Variants in AGBL4 observed in about 807,000 individuals in gnomAD.
The protein encoded by AGBL4 is AGBL carboxypeptidase 4.
A neutral mutation model predicts 66.4 loss-of-function variants in AGBL4; 58 were observed. That is an observed-to-expected ratio of 0.87 (90% CI 0.71 to 1.09). The LOEUF (loss-of-function observed/expected upper bound fraction) is 1.09. Among genes scored for constraint, AGBL4 ranks in the 50% least tolerant of loss-of-function variants. The pLI is 0.00. For synonymous variants in AGBL4, 234 were observed against 222.9 expected (o/e 1.05, Z -0.44); for missense variants, 579 against 631.0 (o/e 0.92, Z 0.88).
At chr1:49,925,767 T>C (rs1333633416) in intron 1 of AGBL4, among the ~76,000 whole-genome samples, 1 of 152,138 alleles carries the variant, frequency 6.6e-6, no homozygotes, top group African/African-American at 2.4e-5. Context: ...GTGGTAGTGG[T>C]GAACACAAGG....
intron 4 of AGBL4, chr1:49,187,452 TGCGGAG>T (rs1647035898): frequency 6.6e-6 from 1 of 152,162 alleles, no homozygotes; most frequent in South Asian, 2.1e-4. Flanking sequence ...AATATACATA[TGCGGAG>T]ACACACAACC....
Position 48,533,967 on chromosome 1 carries a change from G to T in AGBL4, c.*206C>A, listed in dbSNP as rs1569648023. ...GGTTCCGATCTCCTATTTTGTTCCT[G>T]AGCTTTTTGAGCTGAAGGCTTACAA... On this transcript the variant is annotated 3_prime_UTR_variant, in exon 14 of 14. Transcript: ENST00000371839. 3.3e-5 allele frequency: 25 copies of T among 758,342 alleles called. No homozygotes were observed. The East Asian group carries it at 7.3e-4, about 22-fold the overall frequency. The allele number at this position is 758,342 out of a possible 1,614,324, so 47.0% of individuals were successfully genotyped here. A position where few individuals can be genotyped will look rare whatever the true frequency, so the allele number is the denominator to read the frequency against.
intron 2 of AGBL4, among the ~76,000 whole-genome samples, chr1:49,818,065 G>A (rs1325286050): frequency 1.3e-5 from 2 of 152,046 alleles, no homozygotes; most frequent in African/African-American, 4.8e-5. Flanking sequence ...TTTTAAGTAA[G>A]GTAAGCCAAA....
chr1:48,817,307 AAATGAGATAGTGG>A (rs1346947634), intron 6 of AGBL4, among the ~76,000 whole-genome samples: 2 of 152,216 alleles, frequency 1.3e-5, no homozygotes, highest in Non-Finnish European at 2.9e-5. Context: ...CTCCAGAATC[AAATGAGATAGTGG>A]ATACAAAGAA....
intron 6 of AGBL4, among the ~76,000 whole-genome samples, chr1:48,808,807 AG>A (rs1039259808): frequency 2.0e-5 from 3 of 152,236 alleles, no homozygotes; most frequent in Non-Finnish European, 4.4e-5. Flanking sequence ...CTCTCCCTGG[AG>A]CCGTAGAAGG....
chr1:49,948,287 A>AATAT (rs1655638490), intron 1 of AGBL4, among the ~76,000 whole-genome samples: 1 of 109,456 alleles, frequency 9.1e-6, no homozygotes, highest in Non-Finnish European at 1.6e-5. Flanking sequence ...AATATATATA[A>AATAT]ATATATAAAA....
At chr1:49,729,948 C>G (rs1649307106) in intron 2 of AGBL4, among the ~76,000 whole-genome samples, 1 of 152,050 alleles carries the variant, frequency 6.6e-6, no homozygotes, top group Admixed American at 6.5e-5. Context: ...CAGATAGAGT[C>G]CATGACCCGA....
At chr1:48,823,423 A>ATCAC (rs1646358226) in intron 6 of AGBL4, among the ~76,000 whole-genome samples, 1 of 152,210 alleles carries the variant, frequency 6.6e-6, no homozygotes. Flanking sequence ...GCTGGGGCAG[A>ATCAC]CTGAGTACTC....
chr1:48,820,478 C>T (rs1266469570), intron 6 of AGBL4, among the ~76,000 whole-genome samples: 2 of 152,148 alleles, frequency 1.3e-5, no homozygotes, highest in Non-Finnish European at 2.9e-5. Context: ...TTGAGTAAAG[C>T]AGATTGCCCT....
At chr1:49,938,651 T>A (rs555217675) in intron 1 of AGBL4, among the ~76,000 whole-genome samples, 4 of 152,244 alleles carry the variant, frequency 2.6e-5, no homozygotes, top group Admixed American at 2.0e-4. Flanking sequence ...TCCACCATGA[T>A]CAAGTGGGCT....
At chr1:49,760,320 C>T (rs1009002818) in intron 2 of AGBL4, among the ~76,000 whole-genome samples, 1 of 152,106 alleles carries the variant, frequency 6.6e-6, no homozygotes, top group African/African-American at 2.4e-5. Flanking sequence ...TTTGTAAATT[C>T]TGGCATTTGT....
chr1:49,322,522 G>C (rs1462976935), intron 3 of AGBL4, among the ~76,000 whole-genome samples: 1 of 152,166 alleles, frequency 6.6e-6, no homozygotes, highest in Non-Finnish European at 1.5e-5. Flanking sequence ...TGTAATTAAG[G>C]ATTCTGAGAT....
In AGBL4 at chr1:49,777,281, T is replaced by C. The variant is rs111313257; in HGVS notation, c.157+74115A>G. 5.6e-3 allele frequency among the ~76,000 whole-genome samples: 853 copies of C among 152,252 alleles called. 5 individuals are homozygous for C. Among genetic ancestry groups the C allele is most frequent in the Non-Finnish European group, 7.0e-3 (474 of 67,992 alleles). On this transcript the variant is annotated intron_variant, in intron 2 of 13. Transcript: ENST00000371839. ...ATAAAAGTATTAAAATTTAGCTTTATAACACTGTTTAAATTCCTTGCAAAC... is the reference window on the plus strand; with the variant it reads ...ATAAAAGTATTAAAATTTAGCTTTACAACACTGTTTAAATTCCTTGCAAAC...
intron 2 of AGBL4, among the ~76,000 whole-genome samples, chr1:49,813,946 T>C (rs1181985168): frequency 6.6e-6 from 1 of 152,106 alleles, no homozygotes; most frequent in Non-Finnish European, 1.5e-5. Context: ...GCTATTCTCA[T>C]GATAGTGAAT....
At chr1:49,362,682 T>G (rs1644166067) in intron 3 of AGBL4, among the ~76,000 whole-genome samples, 1 of 152,100 alleles carries the variant, frequency 6.6e-6, no homozygotes, top group South Asian at 2.1e-4. Flanking sequence ...TGCTTTGAAT[T>G]TCTAGTCTTC....
intron 2 of AGBL4, among the ~76,000 whole-genome samples, chr1:49,741,243 C>T (rs993938302): frequency 6.6e-6 from 1 of 152,158 alleles, no homozygotes; most frequent in Non-Finnish European, 1.5e-5. Flanking sequence ...CACAGAAATA[C>T]AAACTACCAT....
chr1:48,650,425 A>G (rs1351912220), intron 8 of AGBL4, among the ~76,000 whole-genome samples: 1 of 149,076 alleles, frequency 6.7e-6, no homozygotes, highest in Non-Finnish European at 1.5e-5. Context: ...TCTTTACTGC[A>G]CTAGAATTCT....
chr1:49,439,998 T>C (rs558745963), intron 3 of AGBL4, among the ~76,000 whole-genome samples: 2 of 152,264 alleles, frequency 1.3e-5, no homozygotes, highest in South Asian at 2.1e-4. Flanking sequence ...GAAGGGGTTC[T>C]TTCATTGGTT....
intron 7 of AGBL4, among the ~76,000 whole-genome samples, chr1:48,654,013 C>G (rs1570144246): frequency 6.6e-6 from 1 of 152,200 alleles, no homozygotes; most frequent in Non-Finnish European, 1.5e-5. Context: ...TGCTTCTTTC[C>G]CCATTTTGAG....
Sources: allele counts gnomAD v4.1 joint callset (sites outside exome capture counted in the v4.1 genomes callset), GRCh38; gene constraint gnomAD v4.1.1; transcripts MANE v1.5; gene names NCBI Gene and HGNC (gene_info 2026-07-23, HGNC 2026-07-21).